C1orf105: variants seen among roughly 807,000 people sequenced by gnomAD.
C1orf105 encodes uncharacterized protein C1orf105.
In C1orf105, 17 loss-of-function variants were observed where a neutral mutation model predicts 20.8. The ratio of observed to expected loss-of-function variants is 0.82; its 90% CI spans 0.56 to 1.23. The LOEUF (loss-of-function observed/expected upper bound fraction) is 1.23. C1orf105 is among the 50% of genes most tolerant of loss of function. The pLI, the probability that C1orf105 is intolerant of heterozygous loss-of-function variation, is 0.00. For synonymous variants in C1orf105, 72 were observed against 72.1 expected, an observed-to-expected ratio of 1.00 and a Z score of 0.01; for missense variants, 219 against 213.5, an observed-to-expected ratio of 1.03 and a Z score of -0.16.
Position 172,423,708 on chromosome 1 carries a change from T to A in C1orf105, c.21+2802T>A, listed in dbSNP as rs549790129. On this transcript the variant is annotated intron_variant, in intron 1 of 6. Transcript: ENST00000367727. ...GCTGTTTTGAGGAAATTCAAAAAAA[T>A]TCAAGATAACACAGAGAGGGAGAAT... is the stretch of plus-strand genomic sequence containing the variant. 4.0e-3 allele frequency among the ~76,000 whole-genome samples: 610 copies of A among 152,086 alleles called. 6 individuals carry two copies. Among genetic ancestry groups the A allele is most frequent in the African/African-American group, 0.014 (575 of 41,460 alleles).
intron 2 of C1orf105, among the ~76,000 whole-genome samples, chr1:172,447,502 C>T (rs186410046): frequency 1.6e-3 from 250 of 152,290 alleles, no homozygotes; most frequent in African/African-American, 5.8e-3. Context: ...CTAAACTGGC[C>T]TCCTGGTCTC....
chr1:172,439,990 C>T (rs1270279349), intron 1 of C1orf105, among the ~76,000 whole-genome samples: 1 of 152,118 alleles, frequency 6.6e-6, no homozygotes, highest in Non-Finnish European at 1.5e-5. Flanking sequence ...AGAAAGCAGT[C>T]CAATTGACCT....
chr1:172,442,343 G>C (rs745973799), intron 1 of C1orf105: 1 of 1,613,182 alleles, frequency 6.2e-7, no homozygotes, highest in South Asian at 1.1e-5. Context: ...TACCCAATCA[G>C]TGAAGAAGCC....
chr1:172,436,760 G>C (rs1462500405), intron 1 of C1orf105, among the ~76,000 whole-genome samples: 1 of 152,202 alleles, frequency 6.6e-6, no homozygotes, highest in East Asian at 1.9e-4. Context: ...TTAAACTAAA[G>C]AGCTTCTGCA....
chr1:172,435,542 A>G (rs1218855026), intron 1 of C1orf105, among the ~76,000 whole-genome samples: 1 of 152,244 alleles, frequency 6.6e-6, no homozygotes, highest in Non-Finnish European at 1.5e-5. Context: ...ACAAAATTCA[A>G]CAGCCCTTCA....
At chr1:172,467,018 A>G (rs896612089) in intron 6 of C1orf105, among the ~76,000 whole-genome samples, 19 of 152,176 alleles carry the variant, frequency 1.2e-4, no homozygotes, top group African/African-American at 4.3e-4. Flanking sequence ...GTCTTGCTAT[A>G]TAGGCTTGGC....
At chr1:172,431,952 T>G (rs975353995) in intron 1 of C1orf105, among the ~76,000 whole-genome samples, 1 of 152,238 alleles carries the variant, frequency 6.6e-6, no homozygotes. Context: ...CGTGCTTGGC[T>G]TGGTGGGTCC....
intron 4 of C1orf105, among the ~76,000 whole-genome samples, chr1:172,457,975 G>T (rs116070312): frequency 2.6e-5 from 4 of 152,304 alleles, no homozygotes; most frequent in Admixed American, 1.3e-4. Flanking sequence ...GGGACTGCAG[G>T]TCTGCTGTAG....
At chr1:172,431,157 A>C (rs1217572967) in intron 1 of C1orf105, 1 of 483,874 alleles carries the variant, frequency 2.1e-6, no homozygotes, top group Non-Finnish European at 3.7e-6. Flanking sequence ...TCTCATTTTA[A>C]ATCAAAAGTA....
At chr1:172,435,554 G>A (rs1314637111) in intron 1 of C1orf105, among the ~76,000 whole-genome samples, 5 of 152,122 alleles carry the variant, frequency 3.3e-5, no homozygotes, top group African/African-American at 1.2e-4. Flanking sequence ...AGCCCTTCAT[G>A]CTAAAAACTC....
At chr1:172,465,438 T>C in intron 6 of C1orf105, 75 bp downstream of exon 6, 1 of 1,061,290 alleles carries the variant, frequency 9.4e-7, no homozygotes, top group South Asian at 1.3e-5. Flanking sequence ...GTCTAATCCC[T>C]AAAATAATTT....
chr1:172,459,041 C>T (rs544172685), intron 4 of C1orf105, among the ~76,000 whole-genome samples: 1 of 152,138 alleles, frequency 6.6e-6, no homozygotes, highest in East Asian at 1.9e-4. Flanking sequence ...ACAAAAATAA[C>T]TCAAAATAGG....
intron 1 of C1orf105, chr1:172,442,635 C>A: frequency 6.3e-7 from 1 of 1,598,480 alleles, no homozygotes; most frequent in South Asian, 1.1e-5. Context: ...TCCTTTCATT[C>A]AAACTCAGGC....
chr1:172,434,276 C>T (rs1176416019), intron 1 of C1orf105, among the ~76,000 whole-genome samples: 2 of 152,228 alleles, frequency 1.3e-5, no homozygotes, highest in Non-Finnish European at 2.9e-5. Flanking sequence ...ACAAAACTCT[C>T]CACCCCACAT....
chr1:172,442,468 A>G (rs1293602275), intron 1 of C1orf105: 10 of 1,614,092 alleles, frequency 6.2e-6, no homozygotes, highest in Non-Finnish European at 8.5e-6. Context: ...GGACTCAAAT[A>G]CCACAGCCCA....
intron 1 of C1orf105, chr1:172,441,566 C>A: frequency 1.8e-6 from 1 of 567,144 alleles, no homozygotes; most frequent in South Asian, 4.2e-5. Flanking sequence ...AAAGGATAAG[C>A]ACCCTCACCA....
At position 172,466,729 on chromosome 1, in the gene C1orf105, A is replaced by G. The variant is rs140999430; in HGVS notation, c.406+1366A>G. Among the ~76,000 whole-genome samples the G allele has an allele frequency of 5.3e-3, 812 of 152,290 alleles. 9 individuals are homozygous for G. The highest frequency in any genetic ancestry group is 0.019 in the African/African-American group (779 of 41,560). ...TGTATTATCTCTGGGAGTATACTTC[A>G]ATTAGCAATTTAAGAGCTAGATTTT... On this transcript the variant is annotated intron_variant, in intron 6 of 6. Coordinates refer to ENST00000367727, the MANE Select transcript of C1orf105 (RefSeq NM_139240.4).
Position 172,449,327 on chromosome 1 carries a change from G to A in C1orf105, c.198+796G>A, listed in dbSNP as rs77807464. ...AGGACAGGGACACAACTGAGAATGC[G>A]TCTCAGAAACAGGGCACAGCACTTG... On this transcript the variant is annotated intron_variant, in intron 3 of 6. Transcript: ENST00000367727. Among the ~76,000 whole-genome samples the A allele has an allele frequency of 2.2e-3, 331 of 152,284 alleles. 1 individual carries two copies. The highest frequency in any genetic ancestry group is 7.7e-3 in the African/African-American group (322 of 41,564).
At chr1:172,445,512 T>C (rs1647887978) in intron 2 of C1orf105, among the ~76,000 whole-genome samples, 1 of 152,234 alleles carries the variant, frequency 6.6e-6, no homozygotes, top group East Asian at 1.9e-4. Context: ...CCATCAAAAG[T>C]CTAGAACAGT....
Sources: gnomAD v4.1 joint callset for allele counts (sites outside exome capture counted in the v4.1 genomes callset) on GRCh38, gnomAD v4.1.1 for gene constraint, MANE v1.5 for transcripts, NCBI Gene and HGNC (gene_info 2026-07-23, HGNC 2026-07-21) for gene names.